Variants in BLTP1 observed in about 807,000 individuals in gnomAD.
The protein encoded by BLTP1 is bridge-like lipid transfer protein family member 1.
At chr4:122,293,515 C>T in the BLTP1 span, among the ~76,000 whole-genome samples, 2 of 151,968 alleles carry the variant, frequency 1.3e-5, no homozygotes, top group African/African-American at 2.4e-5. Flanking sequence ...TCTTTGCAAC[C>T]TGTGGATCAG....
the BLTP1 span, among the ~76,000 whole-genome samples, chr4:122,304,027 GAAGA>G: frequency 5.9e-5 from 9 of 152,074 alleles, no homozygotes; most frequent in African/African-American, 2.2e-4. Context: ...TTCATGAAAG[GAAGA>G]GTCAATCAGT....
the BLTP1 span, among the ~76,000 whole-genome samples, chr4:122,182,473 C>G: frequency 6.6e-6 from 1 of 152,292 alleles, no homozygotes; most frequent in Non-Finnish European, 1.5e-5. Context: ...AATTTCTAAA[C>G]ACACACATTT....
the BLTP1 span, among the ~76,000 whole-genome samples, chr4:122,241,816 G>A: frequency 6.6e-6 from 1 of 152,166 alleles, no homozygotes; most frequent in South Asian, 2.1e-4. Context: ...CCCTTGTGCA[G>A]AATAGTACCT....
At chr4:122,360,987 A>G in the BLTP1 span, among the ~76,000 whole-genome samples, 1 of 152,320 alleles carries the variant, frequency 6.6e-6, no homozygotes, top group Admixed American at 6.5e-5. Context: ...TCTTTTGCAT[A>G]GTAGCTGACT....
the BLTP1 span, chr4:122,185,888 G>A: frequency 9.1e-6 from 5 of 551,988 alleles, no homozygotes; most frequent in Admixed American, 4.3e-5. Flanking sequence ...CCAGTGTTTT[G>A]TATTTATTTT....
At chr4:122,257,006 C>T in the BLTP1 span, among the ~76,000 whole-genome samples, 5 of 152,116 alleles carry the variant, frequency 3.3e-5, no homozygotes, top group South Asian at 2.1e-4. Context: ...TCATATTGAC[C>T]TGTGCTATTG....
chr4:122,169,954 T>C, the BLTP1 span: 6 of 985,232 alleles, frequency 6.1e-6, no homozygotes, highest in Non-Finnish European at 7.2e-6. Flanking sequence ...GGGACAAGTC[T>C]GGATGAATTT....
At chr4:122,304,904 G>A in the BLTP1 span, 1 of 1,613,966 alleles carries the variant, frequency 6.2e-7, no homozygotes, top group Non-Finnish European at 8.5e-7. Context: ...GCTTCACCAG[G>A]AAGTAGCAGC....
At chr4:122,310,553 C>T in the BLTP1 span, among the ~76,000 whole-genome samples, 2 of 152,008 alleles carry the variant, frequency 1.3e-5, no homozygotes, top group East Asian at 1.9e-4. Context: ...ATGAGTTAAG[C>T]GTAGTAAACT....
the BLTP1 span, chr4:122,153,975 C>G: frequency 1.0e-6 from 1 of 983,292 alleles, no homozygotes; most frequent in Non-Finnish European, 1.2e-6. Context: ...TTATGCTGCT[C>G]GTAAAGCCAG....
the BLTP1 span, chr4:122,347,290 T>G: frequency 1.1e-6 from 1 of 948,564 alleles, no homozygotes; most frequent in African/African-American, 1.8e-5. Flanking sequence ...CTGAGTGTAT[T>G]CCCTCACCTG....
At chr4:122,298,836 A>G in the BLTP1 span, 2 of 983,366 alleles carry the variant, frequency 2.0e-6, no homozygotes, top group Non-Finnish European at 2.4e-6. Context: ...GATGAAAGAA[A>G]ATAGCAAGAA....
the BLTP1 span, among the ~76,000 whole-genome samples, chr4:122,232,706 C>T: frequency 6.6e-6 from 1 of 152,112 alleles, no homozygotes; most frequent in East Asian, 1.9e-4. Context: ...GGGTATCTTA[C>T]TATTTTTATA....
At chr4:122,244,938 T>A in the BLTP1 span, 6 of 1,499,836 alleles carry the variant, frequency 4.0e-6, no homozygotes, top group Non-Finnish European at 5.5e-6. Flanking sequence ...CAGATGGTGC[T>A]ACGTTTCATG....
chr4:122,226,875 T>C, the BLTP1 span: 2 of 1,483,542 alleles, frequency 1.3e-6, no homozygotes, highest in African/African-American at 1.4e-5. Context: ...TAAACATTTA[T>C]GAATTTTAAA....
chr4:122,338,798 C>G, the BLTP1 span, among the ~76,000 whole-genome samples: 1 of 152,164 alleles, frequency 6.6e-6, no homozygotes, highest in African/African-American at 2.4e-5. Context: ...CAGCACAGTT[C>G]AAACCTGTGG....
At chr4:122,267,646 G>T in the BLTP1 span, 1 of 975,190 alleles carries the variant, frequency 1.0e-6, no homozygotes, top group Admixed American at 6.2e-5. Flanking sequence ...AAGTCATATT[G>T]AGAGTCTAGC....
chr4:122,211,336 TATAG>T, the BLTP1 span, among the ~76,000 whole-genome samples: 1 of 152,126 alleles, frequency 6.6e-6, no homozygotes, highest in East Asian at 1.9e-4. Flanking sequence ...TGCTAGTTGC[TATAG>T]ATAGAGATGA....
At chr4:122,287,453 C>A in the BLTP1 span, 6 of 307,844 alleles carry the variant, frequency 1.9e-5, no homozygotes, top group Non-Finnish European at 2.8e-5. Flanking sequence ...AAGTAAACAC[C>A]TTTCCTTAAG....
Sources: gnomAD v4.1 joint callset for allele counts (sites outside exome capture counted in the v4.1 genomes callset) on GRCh38, gnomAD v4.1.1 for gene constraint, MANE v1.5 for transcripts, NCBI Gene and HGNC (gene_info 2026-07-23, HGNC 2026-07-21) for gene names.